Variants in CCSER1 observed in about 807,000 individuals in gnomAD.
The protein encoded by CCSER1 is serine-rich coiled-coil domain-containing protein 1.
Under a neutral mutation model 82.0 loss-of-function variants are expected in CCSER1, and 41 were observed. The ratio of observed to expected loss-of-function variants is 0.50; its 90% CI spans 0.39 to 0.65. The LOEUF (loss-of-function observed/expected upper bound fraction) is 0.65. CCSER1 is among the 30% of genes least tolerant of loss of function. The probability of loss-of-function intolerance (pLI) is 0.00; values close to 1 mark genes in which losing one functional copy is unlikely to be tolerated. For missense variants in CCSER1, 1,119 were observed against 1,064.2 expected (o/e 1.05, Z -0.72); for synonymous variants, 414 against 383.9 (o/e 1.08, Z -0.92).
intron 10 of CCSER1, among the ~76,000 whole-genome samples, chr4:91,224,497 A>G (rs1344086577): frequency 6.6e-6 from 1 of 152,156 alleles, no homozygotes; most frequent in East Asian, 1.9e-4. Flanking sequence ...GCTATTAGTC[A>G]TATGTGGTTA....
intron 8 of CCSER1, among the ~76,000 whole-genome samples, chr4:90,848,631 A>T (rs1029900123): frequency 6.6e-6 from 1 of 152,136 alleles, no homozygotes; most frequent in Admixed American, 6.5e-5. Flanking sequence ...ACCTAATAAC[A>T]ATCAGTTTTA....
At chr4:90,315,097 G>A (rs538436528) in intron 3 of CCSER1, among the ~76,000 whole-genome samples, 4 of 152,034 alleles carry the variant, frequency 2.6e-5, no homozygotes, top group African/African-American at 4.8e-5. Flanking sequence ...TGATCCACCC[G>A]CCTCAGCCTC....
chr4:91,224,124 G>A (rs1032631301), intron 10 of CCSER1, among the ~76,000 whole-genome samples: 8 of 150,728 alleles, frequency 5.3e-5, no homozygotes, highest in Non-Finnish European at 8.9e-5. Flanking sequence ...TAACTCCCGC[G>A]CTTAATGTGA....
chr4:91,085,678 G>T (rs1315098722), intron 9 of CCSER1, among the ~76,000 whole-genome samples: 1 of 152,068 alleles, frequency 6.6e-6, no homozygotes, highest in Non-Finnish European at 1.5e-5. Context: ...TCAACAAAGG[G>T]TAGGCAATCA....
intron 1 of CCSER1, among the ~76,000 whole-genome samples, chr4:90,246,608 C>T (rs1721448456): frequency 6.6e-6 from 1 of 152,054 alleles, no homozygotes; most frequent in African/African-American, 2.4e-5. Flanking sequence ...GCTTGGTATT[C>T]TATTTCACTG....
chr4:91,059,474 TAA>T (rs1491075090), intron 9 of CCSER1, among the ~76,000 whole-genome samples: 2 of 147,446 alleles, frequency 1.4e-5, no homozygotes, highest in East Asian at 2.0e-4. Context: ...TATATATATA[TAA>T]GTCTCCAAAA....
chr4:91,179,133 C>A (rs1733729163), intron 10 of CCSER1, among the ~76,000 whole-genome samples: 1 of 152,218 alleles, frequency 6.6e-6, no homozygotes, highest in Admixed American at 6.5e-5. Flanking sequence ...TTGGCCCCCA[C>A]TCTCTTCTGG....
chr4:91,500,271 T>G (rs1759138831), intron 10 of CCSER1, among the ~76,000 whole-genome samples: 1 of 152,110 alleles, frequency 6.6e-6, no homozygotes, highest in South Asian at 2.1e-4. Context: ...CTAGATCCTC[T>G]TTTATGAGTT....
At chr4:90,565,307 A>G (rs557931534) in intron 5 of CCSER1, among the ~76,000 whole-genome samples, 5 of 139,350 alleles carry the variant, frequency 3.6e-5, no homozygotes, top group South Asian at 4.4e-4. Flanking sequence ...TTATTTTCAG[A>G]TATTTTGCTG....
intron 9 of CCSER1, among the ~76,000 whole-genome samples, chr4:90,983,380 A>T (rs1736298224): frequency 6.6e-6 from 1 of 151,454 alleles, no homozygotes; most frequent in Admixed American, 6.6e-5. Flanking sequence ...GAAATCAGCA[A>T]CTCTGTTATT....
chr4:90,217,030 A>AT (rs1041980511), intron 1 of CCSER1, among the ~76,000 whole-genome samples: 1 of 151,838 alleles, frequency 6.6e-6, no homozygotes, highest in Non-Finnish European at 1.5e-5. Context: ...TAGGTATTTA[A>AT]TTTTTTTGTG....
intron 8 of CCSER1, among the ~76,000 whole-genome samples, chr4:90,830,569 T>A (rs1166872957): frequency 6.6e-6 from 1 of 152,174 alleles, no homozygotes; most frequent in Non-Finnish European, 1.5e-5. Flanking sequence ...TGGAACTTTG[T>A]TGCTTTGGAA....
chr4:90,304,004 C>T (rs1014203022), intron 1 of CCSER1, among the ~76,000 whole-genome samples: 2 of 152,188 alleles, frequency 1.3e-5, no homozygotes, highest in African/African-American at 4.8e-5. Flanking sequence ...CATGAACAGA[C>T]ACTTCTCGAA....
At chr4:90,588,921 A>G (rs1004592705) in intron 5 of CCSER1, among the ~76,000 whole-genome samples, 8 of 152,036 alleles carry the variant, frequency 5.3e-5, no homozygotes, top group Non-Finnish European at 1.2e-4. Flanking sequence ...AGTCTCAGGT[A>G]TGTCTTTATC....
chr4:90,560,842 G>A (rs539363550), intron 5 of CCSER1, among the ~76,000 whole-genome samples: 106 of 152,170 alleles, frequency 7.0e-4, no homozygotes, highest in African/African-American at 2.4e-3. Context: ...TGAAAATGTT[G>A]CTAATCTGGT....
intron 10 of CCSER1, among the ~76,000 whole-genome samples, chr4:91,553,052 A>G (rs927140259): frequency 1.3e-5 from 2 of 151,602 alleles, no homozygotes; most frequent in Admixed American, 6.6e-5. Context: ...AGAGGCCTTT[A>G]TTATGTTGAG....
At chr4:90,740,874 A>G (rs74400557) in intron 7 of CCSER1, among the ~76,000 whole-genome samples, 3 of 152,210 alleles carry the variant, frequency 2.0e-5, no homozygotes, top group Non-Finnish European at 4.4e-5. Flanking sequence ...ACTTTAATCA[A>G]AGGATTCATT....
chr4:90,353,277 A>C (rs1295611021), intron 3 of CCSER1, among the ~76,000 whole-genome samples: 1 of 152,192 alleles, frequency 6.6e-6, no homozygotes, highest in Admixed American at 6.5e-5. Context: ...GTATGCAGAA[A>C]CATGGTGAGA....
intron 10 of CCSER1, among the ~76,000 whole-genome samples, chr4:91,524,351 A>G (rs1213894054): frequency 2.6e-5 from 4 of 152,220 alleles, no homozygotes; most frequent in African/African-American, 9.6e-5. Context: ...AAGTAAAAAT[A>G]AGTGAAGCTA....
Sources: allele counts gnomAD v4.1 joint callset (sites outside exome capture counted in the v4.1 genomes callset), GRCh38; gene constraint gnomAD v4.1.1; transcripts MANE v1.5; gene names NCBI Gene and HGNC (gene_info 2026-07-23, HGNC 2026-07-21).